SCAMP4: variants seen among roughly 807,000 people sequenced by gnomAD.
SCAMP4 encodes secretory carrier membrane protein 4.
In SCAMP4, 19 loss-of-function variants were observed where a neutral mutation model predicts 32.1. The observed-to-expected ratio is 0.59, with a 90% CI of 0.41 to 0.87. The LOEUF (loss-of-function observed/expected upper bound fraction) is 0.87, where lower values mean the gene tolerates loss of function less well. Among genes scored for constraint, SCAMP4 ranks in the 40% least tolerant of loss-of-function variants. The probability of loss-of-function intolerance (pLI) is 0.00; values close to 1 mark genes in which losing one functional copy is unlikely to be tolerated. For missense variants in SCAMP4, 302 were observed against 309.0 expected (o/e 0.98, Z 0.17); for synonymous variants, 152 against 132.7 (o/e 1.15, Z -1.00).
chr19:1,909,313 G>A (rs2145427450), intron 1 of SCAMP4, among the ~76,000 whole-genome samples: 1 of 152,270 alleles, frequency 6.6e-6, no homozygotes, highest in South Asian at 2.1e-4. Flanking sequence ...CCTGCAGGCT[G>A]GCTGTCCCCA....
At chr19:1,909,863 G>A (rs1389756507) in intron 1 of SCAMP4, among the ~76,000 whole-genome samples, 3 of 152,216 alleles carry the variant, frequency 2.0e-5, no homozygotes, top group Non-Finnish European at 2.9e-5. Context: ...ATGGGAAGTC[G>A]GGCCCACCAG....
Position 1,924,020 on chromosome 19 carries a change from G to A in SCAMP4, c.514-88G>A, listed in dbSNP as rs571122788. Reference sequence around the variant, plus strand: ...GACAGTCTGTCTGCCTCGGCCTCCCGAAGTGCTGGGATGACAGGCGTGAGT... The same window carrying A: ...GACAGTCTGTCTGCCTCGGCCTCCCAAAGTGCTGGGATGACAGGCGTGAGT... On this transcript the variant is annotated intron_variant, in intron 6 of 6. Transcript: ENST00000316097. 1.8e-3 allele frequency: 1,765 copies of A among 990,338 alleles called. 47 individuals carry two copies. Among genetic ancestry groups the A allele is most frequent in the Non-Finnish European group, 2.4e-3 (1,615 of 680,266 alleles). The allele number at this position is 990,338 out of a possible 1,614,324, so 61.3% of individuals were successfully genotyped here.
intron 2 of SCAMP4, among the ~76,000 whole-genome samples, chr19:1,915,742 C>G (rs1001816779): frequency 6.7e-6 from 1 of 148,784 alleles, no homozygotes; most frequent in Non-Finnish European, 1.5e-5. Flanking sequence ...GTCAGGAGAT[C>G]GAGACCATCC....
rs1489805104 is a variant in SCAMP4, at chr19:1,917,914, C to A, written c.136+92C>A. ...TCAGGCAGGGGCAGCCCGTCGGGGG[C>A]CCACCGTCTACTGAAGCCGTCCTGG... On this transcript the variant is annotated intron_variant, in intron 3 of 6. Coordinates refer to ENST00000316097, the MANE Select transcript of SCAMP4 (RefSeq NM_079834.4). 3 of 1,534,776 alleles carry A rather than the reference C, an allele frequency of 2.0e-6. No individual in the cohort carries two copies. The African/African-American group carries it at 4.1e-5, about 21-fold the overall frequency.
At chr19:1,921,547 C>G (rs1411364224) in intron 5 of SCAMP4, 2 of 985,434 alleles carry the variant, frequency 2.0e-6, no homozygotes, top group Non-Finnish European at 2.4e-6. Context: ...GGGTGCCTCC[C>G]TAGACCTGAC....
At chr19:1,920,649 G>A (rs1429625394) in intron 5 of SCAMP4, 2 of 985,402 alleles carry the variant, frequency 2.0e-6, no homozygotes. Flanking sequence ...CTCCTGCAGA[G>A]GCTGTGGCTG....
At chr19:1,915,712 C>T (rs555800185) in intron 2 of SCAMP4, among the ~76,000 whole-genome samples, 4 of 152,170 alleles carry the variant, frequency 2.6e-5, no homozygotes, top group Non-Finnish European at 5.9e-5. Flanking sequence ...TTTGGGAGGC[C>T]GAGGCGGGTG....
chr19:1,918,373 C>A, intron 4 of SCAMP4, 90 bp downstream of exon 4: 1 of 1,338,214 alleles, frequency 7.5e-7, no homozygotes, highest in Non-Finnish European at 9.9e-7. Flanking sequence ...AGGAGCTGTC[C>A]CTTTCTCTGC....
chr19:1,918,759 C>T, intron 4 of SCAMP4, 130 bp from the exon 5 acceptor site: 2 of 1,210,984 alleles, frequency 1.7e-6, no homozygotes, highest in Non-Finnish European at 2.2e-6. Context: ...GAGACTCCAT[C>T]TCAAAAAAAA....
Position 1,923,092 on chromosome 19 carries a change from T to G in SCAMP4, c.418T>G (p.Phe140Val), listed in dbSNP as rs1399161733. 6.4e-7 allele frequency: 1 copy of G among 1,551,092 alleles called. No homozygotes were observed. Among genetic ancestry groups the G allele is most frequent in the Non-Finnish European group, 8.7e-7 (1 of 1,146,856 alleles). Residue 140 changes from phenylalanine (F) to valine (V), a missense_variant, in exon 6 of 7, where the codon TTC (phenylalanine) becomes GTC (valine). Transcript: ENST00000316097. ...GACGWLSAIG[F>V]FQYSPGAAVV... ...CAGCGGCTGGCTGTCGGCAATTGGA[T>G]TCTTCCAGTACAGCCCGGGCGCTGC...
At chr19:1,919,083 C>T (rs1599253044) in intron 5 of SCAMP4, 93 bp downstream of exon 5, 1 of 1,547,210 alleles carries the variant, frequency 6.5e-7, no homozygotes, top group East Asian at 2.4e-5. Flanking sequence ...CCGGAGCGTG[C>T]TGGTCCGGGA....
intron 1 of SCAMP4, chr19:1,912,522 C>CG: frequency 6.7e-7 from 1 of 1,496,962 alleles, no homozygotes; most frequent in Non-Finnish European, 8.8e-7. Flanking sequence ...CGAGGAGGCC[C>CG]GGGCCCACTG....
intron 2 of SCAMP4, among the ~76,000 whole-genome samples, chr19:1,916,137 G>C (rs1056121126): frequency 6.6e-6 from 1 of 151,670 alleles, no homozygotes; most frequent in African/African-American, 2.4e-5. Context: ...TACTTGGGAG[G>C]CTGAGGCAGG....
At chr19:1,920,503 C>T (rs534655092) in intron 5 of SCAMP4, 6 of 781,574 alleles carry the variant, frequency 7.7e-6, no homozygotes, top group East Asian at 2.6e-4. Flanking sequence ...GTGCACCCCT[C>T]GGATGTGCCG....
At chr19:1,912,089 G>T (rs1303894507) in intron 1 of SCAMP4, 2 of 1,474,978 alleles carry the variant, frequency 1.4e-6, no homozygotes, top group Admixed American at 2.4e-5. Context: ...AGTCGGCCTC[G>T]CTGAGGATGG....
chr19:1,921,809 A>G (rs1167575264), intron 5 of SCAMP4: 42 of 984,090 alleles, frequency 4.3e-5, no homozygotes, highest in Non-Finnish European at 4.8e-5. Context: ...GGGAGAAACC[A>G]TCTCTCCAGA....
At chr19:1,914,668 G>A in intron 1 of SCAMP4, 1 of 441,870 alleles carries the variant, frequency 2.3e-6, no homozygotes, top group Middle Eastern at 6.6e-4. Context: ...CTTGTGGGCT[G>A]AAGCCGGGAT....
At chr19:1,919,221 C>T (rs890811966) in intron 5 of SCAMP4, 33 of 1,379,066 alleles carry the variant, frequency 2.4e-5, no homozygotes, top group Admixed American at 6.0e-5. Context: ...GGGAGGGGTC[C>T]GAGCTCGCCC....
intron 5 of SCAMP4, chr19:1,922,612 T>C (rs1325686451): frequency 2.0e-6 from 2 of 985,586 alleles, no homozygotes; most frequent in Non-Finnish European, 2.4e-6. Context: ...CTCCCGGACA[T>C]GCGGATGTAG....
Sources: gnomAD v4.1 joint callset for allele counts (sites outside exome capture counted in the v4.1 genomes callset) on GRCh38, gnomAD v4.1.1 for gene constraint, MANE v1.5 for transcripts, NCBI Gene and HGNC (gene_info 2026-07-23, HGNC 2026-07-21) for gene names.